Variants in SLC2A4 observed in about 807,000 individuals in gnomAD.
The protein encoded by SLC2A4 is solute carrier family 2, facilitated glucose transporter member 4.
In SLC2A4, 31 loss-of-function variants were observed where a neutral mutation model predicts 53.3. That is an observed-to-expected ratio of 0.58 (90% CI 0.44 to 0.78). The LOEUF (loss-of-function observed/expected upper bound fraction) is 0.78, where lower values mean the gene tolerates loss of function less well. SLC2A4 is among the 30% of genes least tolerant of loss of function. SLC2A4 has a pLI of 0.00. For missense variants in SLC2A4, 538 were observed against 655.7 expected, an observed-to-expected ratio of 0.82 and a Z score of 1.96; for synonymous variants, 276 against 281.9, an observed-to-expected ratio of 0.98 and a Z score of 0.21.
At position 7,284,103 on chromosome 17, in the gene SLC2A4, G is replaced by A. The variant is rs920700250; in HGVS notation, c.564+14G>A. On this transcript the variant is annotated intron_variant, in intron 5 of 10. Transcript: ENST00000317370. The surrounding 1 kb of genome is among the most constrained non-coding windows in gnomAD (Gnocchi z 7.5). ...CTGATCGCCCAGGTGACCGGAGCAA[G>A]CCTCATGGGTGCCTGGGCAGTGGTT... is the stretch of plus-strand genomic sequence containing the variant. 6 of 1,612,578 alleles carry A rather than the reference G, an allele frequency of 3.7e-6. No individual in the cohort carries two copies. The highest frequency in any genetic ancestry group is 5.1e-6 in the Non-Finnish European group (6 of 1,178,954).
chr17:7,282,511 G>A lies in SLC2A4; in HGVS notation c.33+544G>A, dbSNP rs923521873. On this transcript the variant is annotated intron_variant, in intron 1 of 10. Transcript: ENST00000317370. The surrounding 1 kb of genome is among the most constrained non-coding windows in gnomAD (Gnocchi z 4.1). ...CTTGGAGACAGTCTGTGCCGCCAGCGAGCGGCCACCACTGCCACCGCCCCT... is the reference window on the plus strand; with the variant it reads ...CTTGGAGACAGTCTGTGCCGCCAGCAAGCGGCCACCACTGCCACCGCCCCT... 16 of 416,628 alleles carry A rather than the reference G, an allele frequency of 3.8e-5. No individual in the cohort carries two copies. The highest frequency in any genetic ancestry group is 6.1e-5 in the African/African-American group (3 of 49,108). 25.8% of individuals were successfully genotyped at this position (416,628 alleles called of 1,614,324 possible). A position where few individuals can be genotyped will look rare whatever the true frequency, so the allele number is the denominator to read the frequency against.
Position 7,284,958 on chromosome 17 carries a change from A to T in SLC2A4, c.1020+19A>T. The T allele has an allele frequency of 1.2e-6, 2 of 1,613,966 alleles. No homozygotes were observed. The highest frequency in any genetic ancestry group is 1.7e-6 in the Non-Finnish European group (2 of 1,179,968). The stretch of plus-strand genomic sequence containing the variant: ...GGTCTCGGTAACTGCTCACCTCTGG[A>T]ATGGCCCGAGCCACTGGCTTCACCT... On this transcript the variant is annotated intron_variant, in intron 8 of 10. Coordinates refer to ENST00000317370, the MANE Select transcript of SLC2A4 (RefSeq NM_001042.3). This position sits in a 1 kb window ranked among gnomAD's most constrained non-coding sequence, Gnocchi z 7.5.
Position 7,286,808 on chromosome 17 carries a change from G to C in SLC2A4, c.*179G>C. The C allele has an allele frequency of 1.6e-6, 1 of 640,324 alleles. No individual in the cohort carries two copies. Among genetic ancestry groups the C allele is most frequent in the South Asian group, 1.8e-5 (1 of 56,646 alleles). The allele number at this position is 640,324 out of a possible 1,614,324, so 39.7% of individuals were successfully genotyped here. On this transcript the variant is annotated 3_prime_UTR_variant, in exon 11 of 11. Coordinates refer to ENST00000317370, the MANE Select transcript of SLC2A4 (RefSeq NM_001042.3). ...GTCTGAGCACCCCCTCATTCCCCTC[G>C]TGTGACTCTCTTGGATTATTTATGT...
rs1452982088 is a variant in SLC2A4, at chr17:7,285,616, G to A, written c.1123-89G>A. On this transcript the variant is annotated intron_variant, in intron 9 of 10. Transcript: ENST00000317370. The surrounding 1 kb of genome is among the most constrained non-coding windows in gnomAD (Gnocchi z 6.0). ...AGGCCCCCTACAAGCTGCTGCGGAG[G>A]GGGTTAGGTTTCACTTCTCTGAGTT... 14 of 1,277,818 alleles carry A rather than the reference G, an allele frequency of 1.1e-5. No individual in the cohort carries two copies. Among genetic ancestry groups the A allele is most frequent in the Non-Finnish European group, 1.6e-5 (14 of 882,682 alleles). The allele number at this position is 1,277,818 out of a possible 1,614,324, so 79.2% of individuals were successfully genotyped here. A position where few individuals can be genotyped will look rare whatever the true frequency, so the allele number is the denominator to read the frequency against.
Position 7,286,783 on chromosome 17 carries a change from G to C in SLC2A4, c.*154G>C. The C allele has an allele frequency of 6.9e-6, 5 of 721,204 alleles. No homozygotes were observed. The highest frequency in any genetic ancestry group is 1.2e-5 in the Non-Finnish European group (5 of 414,506). 44.7% of individuals were successfully genotyped at this position (721,204 alleles called of 1,614,324 possible). Reference sequence around the variant, plus strand: ...GAATTGGGAAGCTGGGGGAAGGGTGGTCTGAGCACCCCCTCATTCCCCTCG... The same window carrying C: ...GAATTGGGAAGCTGGGGGAAGGGTGCTCTGAGCACCCCCTCATTCCCCTCG... On this transcript the variant is annotated 3_prime_UTR_variant, in exon 11 of 11. Coordinates refer to ENST00000317370, the MANE Select transcript of SLC2A4 (RefSeq NM_001042.3).
At position 7,283,422 on chromosome 17, in the gene SLC2A4, G is replaced by GT. The variant is rs753201039; in HGVS notation, c.151-50dup. The GT allele has an allele frequency of 1.7e-5, 27 of 1,612,248 alleles. No individual in the cohort carries two copies. Among genetic ancestry groups the GT allele is most frequent in the Non-Finnish European group, 2.2e-5 (26 of 1,178,938 alleles). ...AACGAGGAGGACAGGTGTCTCGGGG[G>GT]TGGTGGAAAGGGGACGGTCTGCAGG... On this transcript the variant is annotated intron_variant, in intron 2 of 10. Coordinates refer to ENST00000317370, the MANE Select transcript of SLC2A4 (RefSeq NM_001042.3). This position sits in a 1 kb window ranked among gnomAD's most constrained non-coding sequence, Gnocchi z 5.8.
rs778475377 is a variant in SLC2A4, at chr17:7,283,892, C to T, written c.448+30C>T. On this transcript the variant is annotated intron_variant, in intron 4 of 10. Coordinates refer to ENST00000317370, the MANE Select transcript of SLC2A4 (RefSeq NM_001042.3). The surrounding 1 kb of genome is among the most constrained non-coding windows in gnomAD (Gnocchi z 5.8). The stretch of plus-strand genomic sequence containing the variant: ...TCACGGGCACCACAGCCCTGCCTAG[C>T]GCCCTGTTCTCTTTCACCATGCCTG... 40 of 1,614,112 alleles carry T rather than the reference C, an allele frequency of 2.5e-5. 2 individuals carry two copies. The Middle Eastern group carries it at 1.2e-3, about 47-fold the overall frequency.
chr17:7,287,457 G>A lies in SLC2A4; in HGVS notation c.*828G>A, dbSNP rs1256142746. 2 of 152,290 alleles carry A rather than the reference G, an allele frequency of 1.3e-5. No homozygotes were observed. Among genetic ancestry groups the A allele is most frequent in the African/African-American group, 4.8e-5 (2 of 41,460 alleles). 9.4% of individuals were successfully genotyped at this position (152,290 alleles called of 1,614,324 possible). A position where few individuals can be genotyped will look rare whatever the true frequency, so the allele number is the denominator to read the frequency against. On this transcript the variant is annotated 3_prime_UTR_variant, in exon 11 of 11. Coordinates refer to ENST00000317370, the MANE Select transcript of SLC2A4 (RefSeq NM_001042.3). ...TCTCTCTTGACCCCTGCAGGGAAAA[G>A]GACTCACCTCCCTCACTGCAGGCTC... is the stretch of plus-strand genomic sequence containing the variant.
Position 7,283,611 on chromosome 17 carries a change from T to A in SLC2A4, c.289T>A (p.Phe97Ile), listed in dbSNP as rs1292711972. The change falls in exon 3 of 11, where the codon TTC (phenylalanine) becomes ATC (isoleucine). Residue 97 changes from phenylalanine (F) to isoleucine (I), a missense_variant. Coordinates refer to ENST00000317370, the MANE Select transcript of SLC2A4 (RefSeq NM_001042.3). This position sits in a 1 kb window ranked among gnomAD's most constrained non-coding sequence, Gnocchi z 5.8. ...IFSVGGMISS[F>I]LIGIISQWLG... ...TTCCGTGGGCGGCATGATTTCCTCC[T>A]TCCTCATTGGTATCATCTCTCAGTG... 6.2e-7 allele frequency: 1 copy of A among 1,613,802 alleles called. No homozygotes were observed. Among genetic ancestry groups the A allele is most frequent in the South Asian group, 1.1e-5 (1 of 91,050 alleles).
rs1221320560 is a variant in SLC2A4 at position 7,281,799 on chromosome 17, ATCGGGCCCGCC to A, written c.-135_-125del. The A allele has an allele frequency of 2.3e-6, 2 of 882,812 alleles. No individual in the cohort carries two copies. Among genetic ancestry groups the A allele is most frequent in the East Asian group, 5.3e-5 (2 of 37,718 alleles). 54.7% of individuals were successfully genotyped at this position (882,812 alleles called of 1,614,324 possible). On this transcript the variant is annotated 5_prime_UTR_variant, in exon 1 of 11. Transcript: ENST00000317370. The stretch of plus-strand genomic sequence containing the variant: ...TCCTTGGCTTGTGGCTGTGGGTCCC[ATCGGGCCCGCC>A]CTCGCACGTCACTCCGGGACCCCCG...
chr17:7,286,260 T>C, intron 10 of SLC2A4, 166 bp from the exon 11 acceptor site: 1 of 749,624 alleles, frequency 1.3e-6, no homozygotes, highest in Non-Finnish European at 2.4e-6. Flanking sequence ...AATCCTCTTT[T>C]CAGTGTAAAT....
rs761646916 is a variant in SLC2A4 at position 7,284,508 on chromosome 17, G to T, written c.751G>T (p.Ala251Ser). Reference protein sequence around the residue: ...RKSLKRLTGWADVSGVLAELK... With the variant: ...RKSLKRLTGWSDVSGVLAELK... ...AGGTCTGAAGCGCCTGACAGGCTGG[G>T]CCGATGTTTCTGGAGTGCTGGCTGA... The change falls in exon 7 of 11, where the codon GCC becomes TCC. Residue 251 changes from alanine (A) to serine (S), a missense_variant. By Grantham distance (99) the Ala-to-Ser change is moderately conservative. Transcript: ENST00000317370. The surrounding 1 kb of genome is among the most constrained non-coding windows in gnomAD (Gnocchi z 7.5). 7 of 1,614,156 alleles carry T rather than the reference G, an allele frequency of 4.3e-6. No individual in the cohort carries two copies. In the South Asian group the frequency reaches 6.6e-5, roughly 15 times the overall value.
In SLC2A4 at chr17:7,284,043, G is replaced by A; in HGVS notation, c.518G>A (p.Gly173Glu). 2 of 1,614,022 alleles carry A rather than the reference G, an allele frequency of 1.2e-6. No homozygotes were observed. Among genetic ancestry groups the A allele is most frequent in the Non-Finnish European group, 1.7e-6 (2 of 1,179,964 alleles). Reference sequence around the variant, plus strand: ...CCCACTCACCTGCGGGGCGCCCTGGGGACGCTCAACCAACTGGCCATTGTT... The same window carrying A: ...CCCACTCACCTGCGGGGCGCCCTGGAGACGCTCAACCAACTGGCCATTGTT... The part of the protein sequence containing the change: ...IAPTHLRGAL[G>E]TLNQLAIVIG... Residue 173 changes from glycine to glutamate, a missense_variant, in exon 5 of 11, where the codon GGG (glycine) becomes GAG (glutamate). Physicochemically the swap from Gly to Glu is moderately conservative, Grantham distance 98 (BLOSUM62 -2). Transcript: ENST00000317370. This position sits in a 1 kb window ranked among gnomAD's most constrained non-coding sequence, Gnocchi z 7.5.
In SLC2A4 at chr17:7,282,902, A is replaced by G; in HGVS notation, c.34-343A>G. The G allele has an allele frequency of 2.6e-6, 1 of 386,384 alleles. No homozygotes were observed. Among genetic ancestry groups the G allele is most frequent in the Non-Finnish European group, 5.0e-6 (1 of 201,532 alleles). The allele number at this position is 386,384 out of a possible 1,614,324, so 23.9% of individuals were successfully genotyped here. ...ACATCACCCCCATCTCACAGAGGAC[A>G]CTCAGGTTCGGGGCAGGGAAGTGAC... is the stretch of plus-strand genomic sequence containing the variant. On this transcript the variant is annotated intron_variant, in intron 1 of 10. Coordinates refer to ENST00000317370, the MANE Select transcript of SLC2A4 (RefSeq NM_001042.3). The surrounding 1 kb of genome is among the most constrained non-coding windows in gnomAD (Gnocchi z 4.1).
Position 7,282,176 on chromosome 17 carries a change from G to C in SLC2A4, c.33+209G>C. ...CAGAGTGGGTCTGGAGGGCCTTTCG[G>C]GGCACAGGCAGCAAGTGGATTCTGC... On this transcript the variant is annotated intron_variant, in intron 1 of 10. Coordinates refer to ENST00000317370, the MANE Select transcript of SLC2A4 (RefSeq NM_001042.3). The surrounding 1 kb of genome is among the most constrained non-coding windows in gnomAD (Gnocchi z 4.1). 1 of 632,194 alleles carries C rather than the reference G, an allele frequency of 1.6e-6. No homozygotes were observed. Among genetic ancestry groups the C allele is most frequent in the Non-Finnish European group, 2.9e-6 (1 of 347,764 alleles). The allele number at this position is 632,194 out of a possible 1,614,324, so 39.2% of individuals were successfully genotyped here.
At position 7,284,247 on chromosome 17, in the gene SLC2A4, G is replaced by A. The variant is rs780181334; in HGVS notation, c.595G>A (p.Ala199Thr). The A allele has an allele frequency of 1.2e-6, 2 of 1,613,416 alleles. No homozygotes were observed. The highest frequency in any genetic ancestry group is 2.2e-5 in the South Asian group (2 of 91,086). ...GGGCTTGGAGTCCCTCCTGGGCACT[G>A]CCAGCCTGTGGCCACTGCTCCTGGG... ...VLGLESLLGT[A>T]SLWPLLLGLT... The change falls in exon 6 of 11, where the codon GCC becomes ACC. Residue 199 changes from alanine (A) to threonine (T), a missense_variant. By Grantham distance (58) the Ala-to-Thr change is moderately conservative. Coordinates refer to ENST00000317370, the MANE Select transcript of SLC2A4 (RefSeq NM_001042.3). The surrounding 1 kb of genome is among the most constrained non-coding windows in gnomAD (Gnocchi z 7.5).
chr17:7,282,486 C>A lies in SLC2A4; in HGVS notation c.33+519C>A. ...CCCCCTCCTCCAGCTCAGGTTTCCG[C>A]TTGGAGACAGTCTGTGCCGCCAGCG... On this transcript the variant is annotated intron_variant, in intron 1 of 10. Transcript: ENST00000317370. This position sits in a 1 kb window ranked among gnomAD's most constrained non-coding sequence, Gnocchi z 4.1. The A allele has an allele frequency of 2.3e-6, 1 of 443,840 alleles. No individual in the cohort carries two copies. The highest frequency in any genetic ancestry group is 2.4e-5 in the Admixed American group (1 of 40,966). The allele number at this position is 443,840 out of a possible 1,614,324, so 27.5% of individuals were successfully genotyped here. A position where few individuals can be genotyped will look rare whatever the true frequency, so the allele number is the denominator to read the frequency against.
chr17:7,282,463 C>A lies in SLC2A4; in HGVS notation c.33+496C>A, dbSNP rs555540641. 1.1e-5 allele frequency: 5 copies of A among 453,158 alleles called. No homozygotes were observed. Among genetic ancestry groups the A allele is most frequent in the Admixed American group, 2.4e-5 (1 of 42,100 alleles). The allele number at this position is 453,158 out of a possible 1,614,324, so 28.1% of individuals were successfully genotyped here. On this transcript the variant is annotated intron_variant, in intron 1 of 10. Transcript: ENST00000317370. This position sits in a 1 kb window ranked among gnomAD's most constrained non-coding sequence, Gnocchi z 4.1. ...AGGGGCAGAGGGGACTGTCAGCCCC[C>A]CCTCCTCCAGCTCAGGTTTCCGCTT...
chr17:7,284,696 C>A lies in SLC2A4; in HGVS notation c.915+24C>A, dbSNP rs998587159. On this transcript the variant is annotated intron_variant, in intron 7 of 10. Coordinates refer to ENST00000317370, the MANE Select transcript of SLC2A4 (RefSeq NM_001042.3). The surrounding 1 kb of genome is among the most constrained non-coding windows in gnomAD (Gnocchi z 7.5). ...CTGTATGTGTGGAGCAGCCTCCAGG[C>A]AGGGCACAGCCCCGGGAGGGTAGAC... 4 of 1,613,036 alleles carry A rather than the reference C, an allele frequency of 2.5e-6. No homozygotes were observed. The highest frequency in any genetic ancestry group is 2.5e-6 in the Non-Finnish European group (3 of 1,179,324).
Sources: gnomAD v4.1 joint callset for allele counts on GRCh38, gnomAD v4.1.1 for gene constraint, Gnocchi (gnomAD v3.1) non-coding constraint, MANE v1.5 for transcripts, NCBI Gene and HGNC (gene_info 2026-07-23, HGNC 2026-07-21) for gene names.